NLGN3: variants seen among roughly 807,000 people sequenced by gnomAD.
NLGN3 encodes the protein neuroligin-3.
A neutral mutation model predicts 42.9 loss-of-function variants in NLGN3; 11 were observed. The ratio of observed to expected loss-of-function variants is 0.26; its 90% confidence interval spans 0.16 to 0.42. The LOEUF (loss-of-function observed/expected upper bound fraction) is 0.42. Among genes scored for constraint, NLGN3 ranks in the 10% least tolerant of loss-of-function variants. The probability of loss-of-function intolerance (pLI) is 1.00; values close to 1 mark genes in which losing one functional copy is unlikely to be tolerated. For missense variants in NLGN3, 374 were observed against 733.8 expected (o/e 0.51, Z 5.67); for synonymous variants, 279 against 312.7 (o/e 0.89, Z 1.14).
chrX:71,167,342 A>C lies in NLGN3; in HGVS notation c.1245A>C (p.Glu415Asp). Residue 415 changes from glutamate to aspartate, a missense_variant, in exon 7 of 8, where the codon GAA (glutamate) becomes GAC (aspartate). Around this residue, in one of 6 missense-constraint regions of NLGN3, gnomAD observed 142 missense variants for 359.1 expected, o/e 0.40. Transcript: ENST00000358741. ...AGGGCGAGGGTCTCAAGTTTGTGGAAGGGGTGGTGGACCCTGAGGATGGTG... is the reference window on the plus strand; with the variant it reads ...AGGGCGAGGGTCTCAAGTTTGTGGACGGGGTGGTGGACCCTGAGGATGGTG... The part of the protein sequence containing the change: ...VNQGEGLKFV[E>D]GVVDPEDGVS... 8.3e-7 allele frequency: 1 copy of C among 1,211,791 alleles called. No individual in the cohort carries two copies.
chrX:71,168,463 G>A (rs1335290643), intron 7 of NLGN3, among the ~76,000 whole-genome samples: 2 of 110,894 alleles, frequency 1.8e-5, no homozygotes, highest in African/African-American at 6.6e-5. Flanking sequence ...AGGCGCGGAG[G>A]CTTATGCCTG....
In NLGN3 at chrX:71,168,877, AAAGAAAGAGAAAGAAAGAAAG is replaced by A. The variant is rs1569485750; in HGVS notation, c.1704-374_1704-354del. ...AGAAAGAAAGAAAGAAAGAGAAAGA[AAAGAAAGAGAAAGAAAGAAAG>A]AAAGAAAAAGAGACTTCGGGTTCAG... On this transcript the variant is annotated intron_variant, in intron 7 of 7. Coordinates refer to ENST00000358741, the MANE Select transcript of NLGN3 (RefSeq NM_181303.2). Among the ~76,000 whole-genome samples the A allele has an allele frequency of 7.3e-3, 532 of 72,397 alleles. 9 individuals are homozygous for A. The highest frequency in any genetic ancestry group is 0.041 in the African/African-American group (497 of 12,170). 62.9% of individuals were successfully genotyped at this position (72,397 alleles called of 115,157 possible).
intron 6 of NLGN3, among the ~76,000 whole-genome samples, chrX:71,166,317 G>A (rs1192358646): frequency 1.8e-5 from 2 of 110,496 alleles, no homozygotes; most frequent in African/African-American, 6.6e-5. Flanking sequence ...TTAGCCGGGC[G>A]TGGTGGCGGG....
intron 1 of NLGN3, 36 bp downstream of exon 1, chrX:71,145,000 T>C (rs1464580654): frequency 9.1e-6 from 1 of 109,411 alleles, no homozygotes; most frequent in Non-Finnish European, 1.9e-5. Context: ...ATCCTCTAGC[T>C]GCCCATACCT....
downstream of NLGN3, chrX:71,171,240 C>T (rs1001794849): frequency 1.1e-5 from 8 of 747,070 alleles, no homozygotes; most frequent in African/African-American, 7.2e-5. Flanking sequence ...AACAGACCTC[C>T]GAACAGGGTG....
chrX:71,166,055 C>CT (rs1008035212), intron 6 of NLGN3, among the ~76,000 whole-genome samples: 1,538 of 105,583 alleles, frequency 0.015, 35 homozygotes, highest in African/African-American at 0.049. Context: ...GAATGATATC[C>CT]TTTTTTTTTT....
In NLGN3 at chrX:71,171,018, TAC is replaced by T. The variant is rs2092469839; in HGVS notation, c.*923_*924del. On this transcript the variant is annotated 3_prime_UTR_variant, in exon 8 of 8. Coordinates refer to ENST00000358741, the MANE Select transcript of NLGN3 (RefSeq NM_181303.2). Reference sequence around the variant, plus strand: ...TATCAGAAATTCGCCCCATTTTCTTTACAGTCTTTTGTGTCTGTCATTTCTCT... The same window carrying T: ...TATCAGAAATTCGCCCCATTTTCTTTAGTCTTTTGTGTCTGTCATTTCTCT... 5.3e-6 allele frequency: 4 copies of T among 752,258 alleles called. No homozygotes were observed. Among genetic ancestry groups the T allele is most frequent in the Non-Finnish European group, 6.3e-6 (4 of 638,827 alleles). 62.0% of individuals were successfully genotyped at this position (752,258 alleles called of 1,213,427 possible). A position where few individuals can be genotyped will look rare whatever the true frequency, so the allele number is the denominator to read the frequency against.
chrX:71,170,892 C>T lies in NLGN3; in HGVS notation c.*795C>T. ...GGCCAACAGCATTGGCCTGGCCAGA[C>T]CAGGTGACCTTAGATTTGGTGAACA... On this transcript the variant is annotated 3_prime_UTR_variant, in exon 8 of 8. Coordinates refer to ENST00000358741, the MANE Select transcript of NLGN3 (RefSeq NM_181303.2). 3 of 754,942 alleles carry T rather than the reference C, an allele frequency of 4.0e-6. No homozygotes were observed. The highest frequency in any genetic ancestry group is 4.7e-6 in the Non-Finnish European group (3 of 639,527). The allele number at this position is 754,942 out of a possible 1,213,427, so 62.2% of individuals were successfully genotyped here. A position where few individuals can be genotyped will look rare whatever the true frequency, so the allele number is the denominator to read the frequency against.
chrX:71,151,797 C>A (rs906541630), intron 3 of NLGN3, among the ~76,000 whole-genome samples: 1 of 112,378 alleles, frequency 8.9e-6, no homozygotes, highest in East Asian at 2.8e-4. Flanking sequence ...CCCAACACCC[C>A]ACCCCATCAA....
Position 71,170,410 on chromosome X carries a change from T to C in NLGN3, c.*313T>C. On this transcript the variant is annotated 3_prime_UTR_variant, in exon 8 of 8. Coordinates refer to ENST00000358741, the MANE Select transcript of NLGN3 (RefSeq NM_181303.2). The stretch of plus-strand genomic sequence containing the variant: ...GCTCCCTGAATCTGACCACAGACAC[T>C]CCTGGGGGGCCTGAAAGCAACAGCT... 1.0e-6 allele frequency: 1 copy of C among 957,051 alleles called. No individual in the cohort carries two copies. Among genetic ancestry groups the C allele is most frequent in the African/African-American group, 2.0e-5 (1 of 49,977 alleles). The allele number at this position is 957,051 out of a possible 1,213,427, so 78.9% of individuals were successfully genotyped here. A position where few individuals can be genotyped will look rare whatever the true frequency, so the allele number is the denominator to read the frequency against.
At chrX:71,154,930 G>A (rs2092403346) in intron 4 of NLGN3, among the ~76,000 whole-genome samples, 1 of 112,569 alleles carries the variant, frequency 8.9e-6, no homozygotes, top group Admixed American at 9.3e-5. Flanking sequence ...CCGCCCCCAG[G>A]GCCCAGCCAT....
rs760969351 is a variant in NLGN3 at position 71,164,370 on chromosome X, G to A, written c.913+42G>A. On this transcript the variant is annotated intron_variant, in intron 6 of 7. Coordinates refer to ENST00000358741, the MANE Select transcript of NLGN3 (RefSeq NM_181303.2). ...GCAAAACATGAACTAGCCAAGTGCCGGCTGTCCCAGCATGCCCCATCCATG... is the reference window on the plus strand; with the variant it reads ...GCAAAACATGAACTAGCCAAGTGCCAGCTGTCCCAGCATGCCCCATCCATG... 6 of 1,168,533 alleles carry A rather than the reference G, an allele frequency of 5.1e-6. No homozygotes were observed. In the East Asian group the frequency reaches 9.0e-5, roughly 17 times the overall value.
chrX:71,147,274 AC>A (rs1234953962), intron 1 of NLGN3, among the ~76,000 whole-genome samples: 3 of 110,595 alleles, frequency 2.7e-5, no homozygotes, highest in Non-Finnish European at 3.8e-5. Context: ...ACCCTGATGA[AC>A]CCCTTTGGCT....
At chrX:71,175,037 G>T (rs747821162), downstream of NLGN3, among the ~76,000 whole-genome samples, 1 of 112,082 alleles carries the variant, frequency 8.9e-6, no homozygotes, top group East Asian at 2.8e-4. Flanking sequence ...CTGATGCCCA[G>T]TGTTCAGTTA....
intron 5 of NLGN3, among the ~76,000 whole-genome samples, chrX:71,159,532 A>G (rs2092422079): frequency 9.0e-6 from 1 of 110,826 alleles, no homozygotes; most frequent in Non-Finnish European, 1.9e-5. Flanking sequence ...CCGAAAACTC[A>G]GAAGGAGTCC....
intron 4 of NLGN3, among the ~76,000 whole-genome samples, chrX:71,154,900 C>G (rs1217903695): frequency 8.9e-6 from 1 of 112,592 alleles, no homozygotes; most frequent in Non-Finnish European, 1.9e-5. Context: ...AGGACCAGCC[C>G]TTCCTCTTTC....
chrX:71,174,375 A>G (rs950628045), downstream of NLGN3, among the ~76,000 whole-genome samples: 3 of 112,082 alleles, frequency 2.7e-5, no homozygotes, highest in African/African-American at 9.7e-5. Context: ...TACGTGCTGC[A>G]GCCTAGAGAT....
chrX:71,174,723 C>T (rs1374721058), downstream of NLGN3, among the ~76,000 whole-genome samples: 1 of 111,814 alleles, frequency 8.9e-6, no homozygotes, highest in Non-Finnish European at 1.9e-5. Context: ...TAAACCTAGG[C>T]GAATTCTTAA....
chrX:71,166,457 CAA>C (rs5902684), intron 6 of NLGN3, among the ~76,000 whole-genome samples: 4,381 of 82,234 alleles, frequency 0.053, 265 homozygotes, highest in African/African-American at 0.17. Flanking sequence ...ACTCCATCTC[CAA>C]AAAAAAAAAA....
Sources: allele counts gnomAD v4.1 joint callset (sites outside exome capture counted in the v4.1 genomes callset), GRCh38; gene constraint gnomAD v4.1.1; regional missense constraint gnomAD v4.1.1; transcripts MANE v1.5; gene names NCBI Gene and HGNC (gene_info 2026-07-23, HGNC 2026-07-21).